PLCB1: variants seen among roughly 807,000 people sequenced by gnomAD.
PLCB1 encodes the protein 1-phosphatidylinositol 4,5-bisphosphate phosphodiesterase beta-1.
In PLCB1, 46 loss-of-function variants were observed where a neutral mutation model predicts 161.8. The ratio of observed to expected loss-of-function variants is 0.28; its 90% CI spans 0.22 to 0.36. The LOEUF is 0.36. Ranked by LOEUF, PLCB1 falls within the 10% of genes least tolerant of loss-of-function variation. The pLI is 1.00. For synonymous variants in PLCB1, 517 were observed against 503.7 expected, an observed-to-expected ratio of 1.03 and a Z score of -0.35; for missense variants, 1,016 against 1,472.5, an observed-to-expected ratio of 0.69 and a Z score of 5.07.
chr20:8,257,352 A>G (rs1432657027), intron 2 of PLCB1, among the ~76,000 whole-genome samples: 2 of 152,180 alleles, frequency 1.3e-5, no homozygotes, highest in Non-Finnish European at 2.9e-5. Context: ...AGAAAATTAG[A>G]AAGGATAGAC....
At chr20:8,750,810 T>A (rs757152299) in intron 23 of PLCB1, 1 of 1,360,210 alleles carries the variant, frequency 7.4e-7, no homozygotes, top group South Asian at 1.1e-5. Context: ...GTAGGGTGGA[T>A]TTCTGCATGA....
chr20:8,611,552 T>C (rs1454587104), intron 3 of PLCB1, among the ~76,000 whole-genome samples: 1 of 152,156 alleles, frequency 6.6e-6, no homozygotes, highest in Non-Finnish European at 1.5e-5. Flanking sequence ...TCTAAAAACA[T>C]GGCTATATCA....
intron 3 of PLCB1, among the ~76,000 whole-genome samples, chr20:8,605,149 T>C (rs1344489914): frequency 6.6e-6 from 1 of 152,162 alleles, no homozygotes; most frequent in Non-Finnish European, 1.5e-5. Flanking sequence ...CAATTTCCCT[T>C]ACTCTCAGAA....
intron 4 of PLCB1, among the ~76,000 whole-genome samples, chr20:8,643,742 G>GCTCTCTCCCTCTCCCTCTCCCTCT (rs1989031363): frequency 9.8e-6 from 1 of 101,764 alleles, no homozygotes; most frequent in East Asian, 2.3e-4. Flanking sequence ...ACAAAAAATA[G>GCTCTCTCCCTCTCCCTCTCCCTCT]CCCTCTCCCT....
At chr20:8,823,419 C>T (rs980049357) in intron 31 of PLCB1, among the ~76,000 whole-genome samples, 5 of 152,062 alleles carry the variant, frequency 3.3e-5, no homozygotes, top group East Asian at 3.9e-4. Flanking sequence ...CATCATGCCC[C>T]GCCAGAGCCA....
chr20:8,457,918 A>G (rs982406639), intron 3 of PLCB1, among the ~76,000 whole-genome samples: 1 of 152,242 alleles, frequency 6.6e-6, no homozygotes, highest in South Asian at 2.1e-4. Flanking sequence ...ATAAATGAAG[A>G]TCACATGAAC....
At chr20:8,553,919 T>C (rs762028775) in intron 3 of PLCB1, among the ~76,000 whole-genome samples, 4 of 151,942 alleles carry the variant, frequency 2.6e-5, no homozygotes, top group Non-Finnish European at 5.9e-5. Flanking sequence ...GAATAATCAT[T>C]TGAACCTAGC....
rs566731939 is a variant in PLCB1 at position 8,238,978 on chromosome 20, G to A, written c.177+88607G>A. Among the ~76,000 whole-genome samples, 120 of 151,992 alleles carry A rather than the reference G, an allele frequency of 7.9e-4. 2 individuals carry two copies. The highest frequency in any genetic ancestry group is 2.8e-3 in the African/African-American group (116 of 41,492). On this transcript the variant is annotated intron_variant, in intron 2 of 31. Transcript: ENST00000338037. ...GTCGAAAGACTTTTATTTATATTTAGGGAGACTAGAGCATGTCTTTAGGTA... is the reference window on the plus strand; with the variant it reads ...GTCGAAAGACTTTTATTTATATTTAAGGAGACTAGAGCATGTCTTTAGGTA...
intron 25 of PLCB1, among the ~76,000 whole-genome samples, chr20:8,764,283 A>G (rs75851270): frequency 2.6e-5 from 4 of 152,268 alleles, no homozygotes; most frequent in Non-Finnish European, 4.4e-5. Context: ...CTTTACTGCT[A>G]TATGCTTTTA....
At chr20:8,423,755 C>T (rs1470645497) in intron 3 of PLCB1, among the ~76,000 whole-genome samples, 1 of 152,110 alleles carries the variant, frequency 6.6e-6, no homozygotes, top group Non-Finnish European at 1.5e-5. Context: ...CTCAAATTAA[C>T]AACAGACTAG....
intron 2 of PLCB1, among the ~76,000 whole-genome samples, chr20:8,187,907 A>G (rs1360197538): frequency 6.6e-6 from 1 of 152,128 alleles, no homozygotes; most frequent in Non-Finnish European, 1.5e-5. Context: ...AAAACTAGAT[A>G]TGATAAAACC....
chr20:8,409,254 A>T (rs1188989856), intron 3 of PLCB1, among the ~76,000 whole-genome samples: 1 of 152,088 alleles, frequency 6.6e-6, no homozygotes, highest in Non-Finnish European at 1.5e-5. Flanking sequence ...TTCTTTCTAC[A>T]AGTAGGGTCT....
chr20:8,641,247 A>G (rs531627777), intron 4 of PLCB1, among the ~76,000 whole-genome samples: 1 of 152,330 alleles, frequency 6.6e-6, no homozygotes, highest in Admixed American at 6.5e-5. Context: ...TTCACATTAC[A>G]ACAGAAATGC....
chr20:8,501,240 A>G (rs2122812929), intron 3 of PLCB1, among the ~76,000 whole-genome samples: 1 of 152,158 alleles, frequency 6.6e-6, no homozygotes, highest in South Asian at 2.1e-4. Flanking sequence ...ACAATTTCTA[A>G]CTCTAAATTA....
chr20:8,369,816 A>G (rs1986846167), intron 2 of PLCB1, among the ~76,000 whole-genome samples: 1 of 152,224 alleles, frequency 6.6e-6, no homozygotes, highest in Non-Finnish European at 1.5e-5. Context: ...TTCATCTCAC[A>G]GAGAGGTGTG....
intron 2 of PLCB1, among the ~76,000 whole-genome samples, chr20:8,340,187 C>G (rs1985747472): frequency 6.6e-6 from 1 of 152,096 alleles, no homozygotes; most frequent in Admixed American, 6.6e-5. Context: ...CCTGCCTAGG[C>G]CTCTGCCTTT....
At chr20:8,869,825 T>A (rs1008018986) in intron 31 of PLCB1, among the ~76,000 whole-genome samples, 1 of 152,218 alleles carries the variant, frequency 6.6e-6, no homozygotes, top group African/African-American at 2.4e-5. Flanking sequence ...CTTGACTGAC[T>A]TACATCTCTG....
At chr20:8,720,513 C>T (rs1218107127) in intron 14 of PLCB1, among the ~76,000 whole-genome samples, 1 of 152,162 alleles carries the variant, frequency 6.6e-6, no homozygotes, top group Non-Finnish European at 1.5e-5. Flanking sequence ...TATTTCAAAG[C>T]TAGTTTACTT....
intron 31 of PLCB1, among the ~76,000 whole-genome samples, chr20:8,796,966 G>T (rs371588852): frequency 9.9e-5 from 15 of 152,120 alleles, no homozygotes; most frequent in African/African-American, 3.6e-4. Flanking sequence ...CTTTCATGCG[G>T]TCTACTGGTG....
Sources: allele counts gnomAD v4.1 joint callset (sites outside exome capture counted in the v4.1 genomes callset), GRCh38; gene constraint gnomAD v4.1.1; transcripts MANE v1.5; gene names NCBI Gene and HGNC (gene_info 2026-07-23, HGNC 2026-07-21).